MYO16: variants seen among roughly 807,000 people sequenced by gnomAD.
The protein encoded by MYO16 is myosin XVI.
Under a neutral mutation model 205.3 loss-of-function variants are expected in MYO16, and 94 were observed. The ratio of observed to expected loss-of-function variants is 0.46; its 90% CI spans 0.39 to 0.54. MYO16 has a LOEUF of 0.54. Among genes scored for constraint, MYO16 ranks in the 20% least tolerant of loss-of-function variants. The pLI is 0.00. For missense variants in MYO16, 2,315 were observed against 2,387.5 expected (o/e 0.97, Z 0.63); for synonymous variants, 988 against 954.0 (o/e 1.04, Z -0.66).
the MYO16 span, among the ~76,000 whole-genome samples, chr13:108,542,896 A>G: frequency 6.6e-6 from 1 of 151,360 alleles, no homozygotes; most frequent in Non-Finnish European, 1.5e-5. Flanking sequence ...AATTTATTTT[A>G]TAATAATGTG....
intron 16 of MYO16, among the ~76,000 whole-genome samples, chr13:108,929,872 A>T (rs773693434): frequency 6.6e-6 from 1 of 152,242 alleles, no homozygotes; most frequent in African/African-American, 2.4e-5. Flanking sequence ...GTAAACCATC[A>T]TAACTAGGGA....
At chr13:108,523,024 G>C in the MYO16 span, among the ~76,000 whole-genome samples, 1 of 152,190 alleles carries the variant, frequency 6.6e-6, no homozygotes, top group Non-Finnish European at 1.5e-5. Flanking sequence ...TTTCTACATA[G>C]AGCAATTTAG....
chr13:108,592,723 G>T (rs1878436610), upstream of MYO16, among the ~76,000 whole-genome samples: 1 of 53,440 alleles, frequency 1.9e-5, no homozygotes, highest in Non-Finnish European at 3.6e-5. Context: ...TGTGTGTGAG[G>T]GTGGCTGTGT....
chr13:109,157,412 TC>T (rs1566539732), intron 32 of MYO16, among the ~76,000 whole-genome samples: 3 of 152,072 alleles, frequency 2.0e-5, no homozygotes, highest in African/African-American at 7.2e-5. Flanking sequence ...ACGAGTGCAG[TC>T]AGCTCTGCCT....
chr13:108,965,776 T>G (rs11839432), intron 20 of MYO16, among the ~76,000 whole-genome samples: 3,708 of 152,284 alleles, frequency 0.024, 138 homozygotes, highest in African/African-American at 0.084. Flanking sequence ...CCATTACATA[T>G]TATCAGTGGA....
At chr13:109,063,572 T>C (rs530565626) in intron 27 of MYO16, among the ~76,000 whole-genome samples, 1 of 152,300 alleles carries the variant, frequency 6.6e-6, no homozygotes, top group Admixed American at 6.5e-5. Context: ...GGCACAAGAA[T>C]GTGGCTGGCA....
intron 21 of MYO16, among the ~76,000 whole-genome samples, chr13:109,005,794 C>G (rs572547677): frequency 1.8e-4 from 28 of 152,326 alleles, no homozygotes; most frequent in African/African-American, 6.5e-4. Flanking sequence ...TGTGTTCACA[C>G]CAATGTTCTG....
the MYO16 span, among the ~76,000 whole-genome samples, chr13:108,529,877 G>A: frequency 1.3e-5 from 2 of 152,156 alleles, no homozygotes; most frequent in Non-Finnish European, 2.9e-5. Flanking sequence ...GGGTGCCACT[G>A]CGATTGCCTT....
At chr13:109,160,382 C>CTT (rs1295226055) in intron 32 of MYO16, among the ~76,000 whole-genome samples, 3 of 152,220 alleles carry the variant, frequency 2.0e-5, no homozygotes, top group South Asian at 2.1e-4. Flanking sequence ...ATAATCATAT[C>CTT]TTAATGCAAA....
At chr13:108,763,612 TG>T (rs1885682106) in intron 4 of MYO16, among the ~76,000 whole-genome samples, 1 of 152,084 alleles carries the variant, frequency 6.6e-6, no homozygotes, top group East Asian at 1.9e-4. Context: ...GACTTCCAGA[TG>T]GGAGGGATGG....
At chr13:108,584,899 T>C in the MYO16 span, among the ~76,000 whole-genome samples, 5 of 152,228 alleles carry the variant, frequency 3.3e-5, no homozygotes, top group Admixed American at 3.3e-4. Flanking sequence ...GTTGGCCCAA[T>C]AGAGGTATAA....
At chr13:109,157,485 C>T (rs556005098) in intron 32 of MYO16, among the ~76,000 whole-genome samples, 15 of 152,264 alleles carry the variant, frequency 9.9e-5, no homozygotes, top group African/African-American at 3.6e-4. Flanking sequence ...TCAAAATCCA[C>T]TGCTTCTTCC....
chr13:109,106,537 G>A (rs2139727086), intron 28 of MYO16, among the ~76,000 whole-genome samples: 1 of 152,322 alleles, frequency 6.6e-6, no homozygotes, highest in South Asian at 2.1e-4. Context: ...GGAAAAATAA[G>A]TGGTATAATC....
intron 3 of MYO16, among the ~76,000 whole-genome samples, chr13:108,721,489 G>T (rs1884160355): frequency 6.6e-6 from 1 of 152,140 alleles, no homozygotes; most frequent in African/African-American, 2.4e-5. Context: ...GTTCAGGAGG[G>T]ATGACATTTT....
At chr13:108,658,923 G>A (rs901944127) in intron 1 of MYO16, among the ~76,000 whole-genome samples, 1 of 152,034 alleles carries the variant, frequency 6.6e-6, no homozygotes, top group Admixed American at 6.6e-5. Flanking sequence ...TCTTAGTAAT[G>A]TTTTGCCTCT....
the MYO16 span, among the ~76,000 whole-genome samples, chr13:108,573,876 G>A: frequency 6.6e-6 from 1 of 152,002 alleles, no homozygotes; most frequent in South Asian, 2.1e-4. Context: ...TTTAAGGCAG[G>A]GTCTCACTCC....
At chr13:109,130,066 C>G (rs1368443243) in intron 31 of MYO16, among the ~76,000 whole-genome samples, 1 of 150,560 alleles carries the variant, frequency 6.6e-6, no homozygotes, top group Non-Finnish European at 1.5e-5. Context: ...ATGTATATAT[C>G]TATACACACA....
At chr13:109,049,926 C>CTGTG (rs35960970) in intron 24 of MYO16, among the ~76,000 whole-genome samples, 1,757 of 105,906 alleles carry the variant, frequency 0.017, 17 homozygotes, top group Middle Eastern at 0.06. Flanking sequence ...TTCCTTTGTC[C>CTGTG]TGTGTGTGTG....
upstream of MYO16, among the ~76,000 whole-genome samples, chr13:108,627,821 G>T (rs145058062): frequency 6.6e-6 from 1 of 152,176 alleles, no homozygotes; most frequent in East Asian, 1.9e-4. Context: ...TAAGATGTTT[G>T]CTGAGTTTGT....
Sources: allele counts gnomAD v4.1 joint callset (sites outside exome capture counted in the v4.1 genomes callset), GRCh38; gene constraint gnomAD v4.1.1; transcripts MANE v1.5; gene names NCBI Gene and HGNC (gene_info 2026-07-23, HGNC 2026-07-21).